DLGAP2: variants seen among roughly 807,000 people sequenced by gnomAD.
DLGAP2 encodes the protein DLG associated protein 2, also known as disks large-associated protein 2.
Under a neutral mutation model 100.3 loss-of-function variants are expected in DLGAP2, and 26 were observed. That is an observed-to-expected ratio of 0.26 (90% CI 0.19 to 0.36). The LOEUF (loss-of-function observed/expected upper bound fraction) is 0.36. Among genes scored for constraint, DLGAP2 ranks in the 10% least tolerant of loss-of-function variants. The probability of loss-of-function intolerance (pLI) is 1.00; values close to 1 mark genes in which losing one functional copy is unlikely to be tolerated. For synonymous variants in DLGAP2, 886 were observed against 630.1 expected (o/e 1.41, Z -6.08); for missense variants, 1,858 against 1,453.2 (o/e 1.28, Z -4.53).
intron 2 of DLGAP2, among the ~76,000 whole-genome samples, chr8:999,774 C>T (rs547589702): frequency 1.1e-4 from 17 of 152,198 alleles, no homozygotes; most frequent in East Asian, 1.9e-4. Context: ...TCACTGCACC[C>T]GGCTGGTGGT....
chr8:1,689,361 G>A (rs1252021120), intron 12 of DLGAP2, among the ~76,000 whole-genome samples: 1 of 152,216 alleles, frequency 6.6e-6, no homozygotes, highest in Non-Finnish European at 1.5e-5. Flanking sequence ...ATGTGTCTAG[G>A]CAAAACCTCC....
intron 2 of DLGAP2, among the ~76,000 whole-genome samples, chr8:1,217,151 C>G (rs924474432): frequency 2.0e-5 from 3 of 152,152 alleles, no homozygotes; most frequent in East Asian, 3.9e-4. Flanking sequence ...TGTTGCTCCC[C>G]TCTTTGTGCT....
At chr8:1,603,846 G>T (rs1288912557) in intron 6 of DLGAP2, among the ~76,000 whole-genome samples, 1 of 152,140 alleles carries the variant, frequency 6.6e-6, no homozygotes, top group African/African-American at 2.4e-5. Context: ...CCTGCTGGCA[G>T]GAGACCACCG....
At chr8:914,623 C>CAG (rs942262419) in intron 2 of DLGAP2, among the ~76,000 whole-genome samples, 4 of 152,226 alleles carry the variant, frequency 2.6e-5, no homozygotes, top group African/African-American at 9.6e-5. Context: ...CACTTCTGTG[C>CAG]AGAGCAAGGA....
intron 2 of DLGAP2, among the ~76,000 whole-genome samples, chr8:1,007,635 T>TGGG (rs58911784): frequency 5.2e-4 from 74 of 142,564 alleles, no homozygotes; most frequent in Non-Finnish European, 8.1e-4. Flanking sequence ...TTTTTTTTTT[T>TGGG]GGGGGGGGGA....
intron 3 of DLGAP2, among the ~76,000 whole-genome samples, chr8:1,388,255 C>T (rs1217496984): frequency 4.3e-5 from 5 of 117,046 alleles, no homozygotes; most frequent in Non-Finnish European, 6.9e-5. Context: ...AGGCAGAGGC[C>T]GTGGATGAGG....
At chr8:1,600,535 A>T (rs1272833756) in intron 6 of DLGAP2, among the ~76,000 whole-genome samples, 1 of 152,008 alleles carries the variant, frequency 6.6e-6, no homozygotes, top group African/African-American at 2.4e-5. Context: ...TGGTCTTTTC[A>T]CATTGTCCCA....
In DLGAP2 at chr8:756,716, G is replaced by A. The variant is rs113811449; in HGVS notation, c.18+18891G>A. 8.0e-3 allele frequency among the ~76,000 whole-genome samples: 1,217 copies of A among 152,082 alleles called. 10 individuals carry two copies. The highest frequency in any genetic ancestry group is 0.028 in the African/African-American group (1,176 of 41,456). On this transcript the variant is annotated intron_variant, in intron 1 of 14. Transcript: ENST00000637795. ...ACCTGGAATCCCCCTTCCCCTGAGC[G>A]CTGTCTCCCCACGCAGGCTCTGCCC...
intron 1 of DLGAP2, among the ~76,000 whole-genome samples, chr8:770,225 A>G (rs563000642): frequency 6.6e-6 from 1 of 152,102 alleles, no homozygotes; most frequent in Non-Finnish European, 1.5e-5. Context: ...GGGGCTGCGG[A>G]ATGCTCATCT....
At position 1,451,017 on chromosome 8, in the gene DLGAP2, G is replaced by C. The variant is rs536171358; in HGVS notation, c.107-50349G>C. On this transcript the variant is annotated intron_variant, in intron 3 of 14. Transcript: ENST00000637795. ...GGAGTCCCAGGGTCACCGAATTCCA[G>C]GGCATCACTGGCTCACTTGGCAGAG... is the stretch of plus-strand genomic sequence containing the variant. Among the ~76,000 whole-genome samples the C allele has an allele frequency of 3.3e-5, 5 of 152,206 alleles. No individual in the cohort carries two copies. In the South Asian group the frequency reaches 1.0e-3, roughly 32 times the overall value.
At chr8:789,276 T>C (rs759823129) in intron 1 of DLGAP2, among the ~76,000 whole-genome samples, 1 of 152,192 alleles carries the variant, frequency 6.6e-6, no homozygotes, top group Non-Finnish European at 1.5e-5. Context: ...GAAGCATGGC[T>C]GGGAGGCCTC....
Position 1,659,267 on chromosome 8 carries a change from G to A in DLGAP2, c.1811-9062G>A, listed in dbSNP as rs182427045. Among the ~76,000 whole-genome samples the A allele has an allele frequency of 1.7e-3, 260 of 151,516 alleles. 2 individuals carry two copies. The highest frequency in any genetic ancestry group is 6.1e-3 in the African/African-American group (250 of 41,130). On this transcript the variant is annotated intron_variant, in intron 8 of 14. Coordinates refer to ENST00000637795, the MANE Select transcript of DLGAP2 (RefSeq NM_001346810.2). Reference sequence around the variant, plus strand: ...AGGTGTGTTTTACTTTTAATTATGTGTTTGATTTTAGAGTAAGTGTGATGT... The same window carrying A: ...AGGTGTGTTTTACTTTTAATTATGTATTTGATTTTAGAGTAAGTGTGATGT...
intron 2 of DLGAP2, among the ~76,000 whole-genome samples, chr8:1,172,045 T>C (rs546266016): frequency 7.0e-4 from 107 of 152,250 alleles, no homozygotes; most frequent in South Asian, 1.9e-3. Context: ...TCATGTTTAG[T>C]GCTTCCTTCA....
intron 2 of DLGAP2, among the ~76,000 whole-genome samples, chr8:1,197,013 G>A (rs1283614144): frequency 6.6e-6 from 1 of 152,124 alleles, no homozygotes; most frequent in Non-Finnish European, 1.5e-5. Context: ...CTGAAAATCG[G>A]GGTGGGCAAT....
chr8:828,521 T>G (rs1796723947), intron 1 of DLGAP2, among the ~76,000 whole-genome samples: 1 of 152,256 alleles, frequency 6.6e-6, no homozygotes, highest in African/African-American at 2.4e-5. Context: ...GCTGTCATCC[T>G]GTTCTTTTTT....
At chr8:1,294,587 C>A (rs1278504761) in intron 3 of DLGAP2, among the ~76,000 whole-genome samples, 1 of 152,160 alleles carries the variant, frequency 6.6e-6, no homozygotes, top group African/African-American at 2.4e-5. Context: ...ATCACTGGGT[C>A]AATGTCGAAT....
chr8:1,052,146 C>T (rs753147436), intron 2 of DLGAP2, among the ~76,000 whole-genome samples: 4 of 152,158 alleles, frequency 2.6e-5, no homozygotes, highest in Non-Finnish European at 4.4e-5. Flanking sequence ...ACTGAACTCC[C>T]GTGTCATGAG....
intron 3 of DLGAP2, among the ~76,000 whole-genome samples, chr8:1,285,667 C>T (rs542693874): frequency 6.6e-6 from 1 of 152,162 alleles, no homozygotes; most frequent in Non-Finnish European, 1.5e-5. Context: ...AAGTGATAGG[C>T]CATAAATACA....
chr8:1,299,309 C>A (rs1028767777), intron 3 of DLGAP2, among the ~76,000 whole-genome samples: 22 of 152,218 alleles, frequency 1.4e-4, no homozygotes, highest in African/African-American at 4.6e-4. Flanking sequence ...TCTGTCTGGC[C>A]TCCCTGGATT....
Sources: allele counts gnomAD v4.1 joint callset (sites outside exome capture counted in the v4.1 genomes callset), GRCh38; gene constraint gnomAD v4.1.1; transcripts MANE v1.5; gene names NCBI Gene and HGNC (gene_info 2026-07-23, HGNC 2026-07-21).